MTREX: variants seen among roughly 807,000 people sequenced by gnomAD.
MTREX encodes the protein exosome RNA helicase MTR4.
MTREX carries 76 observed loss-of-function variants against 135.4 expected under a neutral mutation model. The ratio of observed to expected loss-of-function variants is 0.56; its 90% CI spans 0.47 to 0.68. MTREX has a LOEUF of 0.68. MTREX is among the 30% of genes least tolerant of loss of function. The pLI is 0.00. For missense variants in MTREX, 920 were observed against 1,262.1 expected, an observed-to-expected ratio of 0.73 and a Z score of 4.11; for synonymous variants, 404 against 401.6, an observed-to-expected ratio of 1.01 and a Z score of -0.07.
intron 18 of MTREX, among the ~76,000 whole-genome samples, chr5:55,387,206 C>G (rs1750493796): frequency 6.6e-6 from 1 of 151,870 alleles, no homozygotes; most frequent in African/African-American, 2.4e-5. Context: ...CTTTTTTCTT[C>G]AGCATTTGGA....
At position 55,372,269 on chromosome 5, in the gene MTREX, A is replaced by T. The variant is rs184386057; in HGVS notation, c.1810+5394A>T. Among the ~76,000 whole-genome samples, 362 of 152,234 alleles carry T rather than the reference A, an allele frequency of 2.4e-3. 2 individuals carry two copies. The highest frequency in any genetic ancestry group is 0.01 in the Middle Eastern group (3 of 294). On this transcript the variant is annotated intron_variant, in intron 16 of 26. Coordinates refer to ENST00000230640, the MANE Select transcript of MTREX (RefSeq NM_015360.5). ...GTTACGGATGGTATTCTAGTCTTTAATGACTGAAATACAGCTCCTGTAAGC... is the reference window on the plus strand; with the variant it reads ...GTTACGGATGGTATTCTAGTCTTTATTGACTGAAATACAGCTCCTGTAAGC...
Position 55,416,080 on chromosome 5 carries a change from G to T in MTREX, c.2919G>T (p.Trp973Cys). 6.3e-7 allele frequency: 1 copy of T among 1,593,014 alleles called. No homozygotes were observed. Among genetic ancestry groups the T allele is most frequent in the South Asian group, 1.2e-5 (1 of 85,786 alleles). Residue 973 changes from tryptophan to cysteine, a missense_variant, in exon 25 of 27, where the codon TGG becomes TGT. Physicochemically the swap from Trp to Cys is radical, Grantham distance 215. Coordinates refer to ENST00000230640, the MANE Select transcript of MTREX (RefSeq NM_015360.5). ...ACTTAATGGATGTAGTATATACCTG[G>T]GCAACTGGAGCTACATTTGCCCATA... The part of the protein sequence containing the change: ...KPHLMDVVYT[W>C]ATGATFAHIC...
chr5:55,314,582 A>G (rs1489594438), intron 1 of MTREX, among the ~76,000 whole-genome samples: 1 of 152,206 alleles, frequency 6.6e-6, no homozygotes, highest in Non-Finnish European at 1.5e-5. Flanking sequence ...TGGCAAGGAA[A>G]TGGATTTTCC....
chr5:55,373,411 G>A (rs933051961), intron 16 of MTREX, among the ~76,000 whole-genome samples: 9 of 151,902 alleles, frequency 5.9e-5, no homozygotes, highest in Non-Finnish European at 1.3e-4. Context: ...ACAGGATTTG[G>A]GGAACTTTTG....
intron 21 of MTREX, among the ~76,000 whole-genome samples, chr5:55,404,845 C>T (rs1408247442): frequency 6.7e-6 from 1 of 150,168 alleles, no homozygotes; most frequent in East Asian, 1.9e-4. Context: ...CGCTTTCTTG[C>T]CAGGCTGGAG....
At chr5:55,360,549 C>G (rs1303442415) in intron 15 of MTREX, among the ~76,000 whole-genome samples, 1 of 152,054 alleles carries the variant, frequency 6.6e-6, no homozygotes, top group African/African-American at 2.4e-5. Flanking sequence ...TTAGTAGTTG[C>G]ACCGTTTTAC....
rs774053792 is a variant in MTREX, at chr5:55,341,784, T to A, written c.781+13T>A. ...ATGAGAGATTCAGGTATATTCAGTG[T>A]TGAAATGTATATCATGTATTTCCCT... is the stretch of plus-strand genomic sequence containing the variant. On this transcript the variant is annotated intron_variant, in intron 7 of 26. Transcript: ENST00000230640. 8.1e-7 allele frequency: 1 copy of A among 1,230,230 alleles called. No individual in the cohort carries two copies. Among genetic ancestry groups the A allele is most frequent in the South Asian group, 1.3e-5 (1 of 74,592 alleles). 76.2% of individuals were successfully genotyped at this position (1,230,230 alleles called of 1,614,324 possible).
chr5:55,385,418 A>C (rs1226855136), intron 18 of MTREX, among the ~76,000 whole-genome samples: 1 of 152,166 alleles, frequency 6.6e-6, no homozygotes, highest in Non-Finnish European at 1.5e-5. Context: ...ACTTAGCAGC[A>C]GCAACAGGTA....
At chr5:55,332,283 CTT>C (rs1477957131) in intron 5 of MTREX, among the ~76,000 whole-genome samples, 1 of 152,156 alleles carries the variant, frequency 6.6e-6, no homozygotes, top group Non-Finnish European at 1.5e-5. Context: ...TAGATTGACT[CTT>C]TTGATTTAAC....
chr5:55,321,603 ATTTTTTTT>A (rs570546421), intron 1 of MTREX, among the ~76,000 whole-genome samples: 4 of 103,102 alleles, frequency 3.9e-5, no homozygotes, highest in Non-Finnish European at 8.3e-5. Flanking sequence ...CCAAACATCT[ATTTTTTTT>A]TTTTTTTTTT....
At chr5:55,392,762 A>T (rs894724728) in intron 19 of MTREX, among the ~76,000 whole-genome samples, 1 of 152,070 alleles carries the variant, frequency 6.6e-6, no homozygotes, top group African/African-American at 2.4e-5. Flanking sequence ...GATTTCCAGA[A>T]ATGTGTGGGA....
intron 18 of MTREX, among the ~76,000 whole-genome samples, chr5:55,382,664 T>G (rs1750415404): frequency 1.3e-5 from 2 of 152,196 alleles, no homozygotes; most frequent in Non-Finnish European, 2.9e-5. Flanking sequence ...AGTCTCACTC[T>G]GTCGCCCAGG....
At chr5:55,366,909 A>G in intron 16 of MTREX, 34 bp downstream of exon 16, 1 of 1,511,968 alleles carries the variant, frequency 6.6e-7, no homozygotes, top group Non-Finnish European at 8.9e-7. Context: ...AGCTTAGTGT[A>G]GCTAGGAGAC....
chr5:55,325,329 G>GTT (rs767578247), intron 3 of MTREX, among the ~76,000 whole-genome samples: 10 of 129,076 alleles, frequency 7.7e-5, no homozygotes, highest in African/African-American at 1.7e-4. Context: ...TTTTGGGGGG[G>GTT]TTTTTTTTTG....
At chr5:55,318,843 C>A (rs1012775974) in intron 1 of MTREX, among the ~76,000 whole-genome samples, 4 of 152,040 alleles carry the variant, frequency 2.6e-5, no homozygotes, top group Non-Finnish European at 5.9e-5. Context: ...ACACAACAGT[C>A]ACTGCTTAAC....
intron 16 of MTREX, among the ~76,000 whole-genome samples, chr5:55,371,615 G>A (rs915516988): frequency 2.6e-5 from 4 of 152,132 alleles, no homozygotes; most frequent in Non-Finnish European, 4.4e-5. Flanking sequence ...GATTGGGGTG[G>A]AAGAGGTACT....
In MTREX at chr5:55,349,601, A is replaced by G. The variant is rs1579862957; in HGVS notation, c.1269A>G (p.Val423=). Residue 423 remains valine, a synonymous_variant, in exon 12 of 27, where the codon GTA becomes GTG. Transcript: ENST00000230640. ...TDEEKKMVEE[V]FSNAIDCLSD... ...AAGAAAAGAAGATGGTTGAAGAAGT[A>G]TTCAGTAATGCAATTGATTGCTTAT... 1 of 1,604,446 alleles carries G rather than the reference A, an allele frequency of 6.2e-7. No individual in the cohort carries two copies. Among genetic ancestry groups the G allele is most frequent in the Non-Finnish European group, 8.5e-7 (1 of 1,171,568 alleles).
chr5:55,390,785 G>C (rs1750554307), intron 19 of MTREX, among the ~76,000 whole-genome samples: 1 of 152,130 alleles, frequency 6.6e-6, no homozygotes, highest in Non-Finnish European at 1.5e-5. Flanking sequence ...TTACAGATTA[G>C]AACTGTACAC....
intron 19 of MTREX, among the ~76,000 whole-genome samples, chr5:55,390,690 T>G (rs571382529): frequency 1.3e-5 from 2 of 152,170 alleles, no homozygotes; most frequent in Non-Finnish European, 2.9e-5. Context: ...ATAAGGGAGT[T>G]CTGTTTTGTT....
Sources: gnomAD v4.1 joint callset for allele counts (sites outside exome capture counted in the v4.1 genomes callset) on GRCh38, gnomAD v4.1.1 for gene constraint, MANE v1.5 for transcripts, NCBI Gene and HGNC (gene_info 2026-07-23, HGNC 2026-07-21) for gene names.